Variants in TTC7B observed in about 807,000 individuals in gnomAD.
TTC7B encodes tetratricopeptide repeat protein 7B.
A neutral mutation model predicts 106.8 loss-of-function variants in TTC7B; 28 were observed. That is an observed-to-expected ratio of 0.26 (90% CI 0.19 to 0.36). The LOEUF is 0.36. TTC7B is among the 10% of genes least tolerant of loss of function. TTC7B has a pLI of 1.00. For synonymous variants in TTC7B, 405 were observed against 430.6 expected, an observed-to-expected ratio of 0.94 and a Z score of 0.74; for missense variants, 862 against 1,076.4, an observed-to-expected ratio of 0.80 and a Z score of 2.79.
rs879900959 is a variant in TTC7B, at chr14:90,606,859, C to T, written c.1966+3883G>A. Among the ~76,000 whole-genome samples, 10 of 152,142 alleles carry T rather than the reference C, an allele frequency of 6.6e-5. No homozygotes were observed. In the South Asian group the frequency reaches 8.3e-4, roughly 13 times the overall value. On this transcript the variant is annotated intron_variant, in intron 17 of 19. Coordinates refer to ENST00000328459, the MANE Select transcript of TTC7B (RefSeq NM_001010854.2). Reference sequence around the variant, plus strand: ...ATGGACAATTTCAGAGGTAGGAAACCGTATTCCAGTTAACCAACCACTTCC... The same window carrying T: ...ATGGACAATTTCAGAGGTAGGAAACTGTATTCCAGTTAACCAACCACTTCC...
intron 1 of TTC7B, among the ~76,000 whole-genome samples, chr14:90,786,949 T>C (rs977251319): frequency 6.6e-6 from 1 of 152,190 alleles, no homozygotes; most frequent in African/African-American, 2.4e-5. Context: ...TGGCTTATGA[T>C]GTGTTCATTA....
chr14:90,783,207 C>A (rs1807357505), intron 2 of TTC7B, among the ~76,000 whole-genome samples: 1 of 152,222 alleles, frequency 6.6e-6, no homozygotes. Context: ...AGCCAGATGT[C>A]CTGACTCCTA....
chr14:90,550,089 T>C (rs565989945), intron 19 of TTC7B, among the ~76,000 whole-genome samples: 1 of 152,308 alleles, frequency 6.6e-6, no homozygotes, highest in East Asian at 1.9e-4. Flanking sequence ...GGTTTTTCTT[T>C]TCTCTAGCAG....
intron 3 of TTC7B, among the ~76,000 whole-genome samples, chr14:90,769,158 A>G (rs1276694490): frequency 6.6e-6 from 1 of 152,232 alleles, no homozygotes; most frequent in African/African-American, 2.4e-5. Flanking sequence ...TGGTAACCAC[A>G]AAGAAAATAG....
intron 3 of TTC7B, among the ~76,000 whole-genome samples, chr14:90,770,525 G>A (rs541862608): frequency 4.6e-5 from 7 of 152,064 alleles, no homozygotes; most frequent in African/African-American, 9.6e-5. Flanking sequence ...GCGTGGTGGC[G>A]CATGCCTGTA....
At chr14:90,756,201 A>G (rs1240915022) in intron 3 of TTC7B, among the ~76,000 whole-genome samples, 1 of 152,150 alleles carries the variant, frequency 6.6e-6, no homozygotes, top group Non-Finnish European at 1.5e-5. Context: ...GCCAGTGAAC[A>G]GGAGTCCTGT....
At chr14:90,784,789 C>A (rs1891330922) in intron 2 of TTC7B, among the ~76,000 whole-genome samples, 1 of 152,124 alleles carries the variant, frequency 6.6e-6, no homozygotes, top group Non-Finnish European at 1.5e-5. Flanking sequence ...CAGCCACCCC[C>A]TAGGGGCCTG....
chr14:90,730,574 A>G (rs576441814), intron 4 of TTC7B, among the ~76,000 whole-genome samples: 84 of 152,300 alleles, frequency 5.5e-4, no homozygotes, highest in Non-Finnish European at 9.6e-4. Context: ...GTGATCCACC[A>G]ATGGCCGAGG....
At chr14:90,591,813 G>A (rs1349595529) in intron 18 of TTC7B, among the ~76,000 whole-genome samples, 2 of 152,210 alleles carry the variant, frequency 1.3e-5, no homozygotes, top group Non-Finnish European at 2.9e-5. Flanking sequence ...AGCCATCAGA[G>A]TTCTCAGCCA....
At chr14:90,674,230 T>C (rs1279060946) in intron 9 of TTC7B, among the ~76,000 whole-genome samples, 2 of 151,616 alleles carry the variant, frequency 1.3e-5, no homozygotes, top group African/African-American at 4.9e-5. Flanking sequence ...ACACCCAGAG[T>C]AGGATGTGGC....
At chr14:90,703,042 G>A (rs916508642) in intron 5 of TTC7B, among the ~76,000 whole-genome samples, 4 of 152,160 alleles carry the variant, frequency 2.6e-5, no homozygotes, top group Non-Finnish European at 4.4e-5. Flanking sequence ...AAAGCTTTAT[G>A]AGCCCATAAC....
intron 3 of TTC7B, among the ~76,000 whole-genome samples, chr14:90,777,336 C>T (rs544095984): frequency 6.6e-6 from 1 of 152,276 alleles, no homozygotes; most frequent in Admixed American, 6.5e-5. Flanking sequence ...GTGGCCACTG[C>T]TACGCTTCTG....
chr14:90,811,580 G>T (rs1203046739), intron 1 of TTC7B, among the ~76,000 whole-genome samples: 6 of 151,830 alleles, frequency 4.0e-5, no homozygotes, highest in Admixed American at 2.6e-4. Flanking sequence ...CACTGTGGAT[G>T]CCCGTGCTTA....
intron 18 of TTC7B, among the ~76,000 whole-genome samples, chr14:90,581,150 C>T (rs962386280): frequency 1.3e-5 from 2 of 152,160 alleles, no homozygotes; most frequent in Non-Finnish European, 1.5e-5. Context: ...CTAGAGATAA[C>T]GGGGCCCAGG....
intron 2 of TTC7B, among the ~76,000 whole-genome samples, chr14:90,781,172 T>C (rs1891208693): frequency 6.6e-6 from 1 of 152,188 alleles, no homozygotes; most frequent in Non-Finnish European, 1.5e-5. Context: ...AGACGAACCC[T>C]AAAAACATGA....
chr14:90,717,429 T>C (rs2139974312), intron 5 of TTC7B, among the ~76,000 whole-genome samples: 1 of 152,258 alleles, frequency 6.6e-6, no homozygotes, highest in Non-Finnish European at 1.5e-5. Flanking sequence ...TACAATCATA[T>C]TACAGATTTC....
intron 18 of TTC7B, among the ~76,000 whole-genome samples, chr14:90,588,407 C>T (rs1031259518): frequency 5.9e-5 from 9 of 152,290 alleles, no homozygotes; most frequent in South Asian, 2.1e-4. Context: ...AACCACCTAC[C>T]GCAAAGTCAT....
intron 15 of TTC7B, among the ~76,000 whole-genome samples, chr14:90,627,328 C>G (rs1595220919): frequency 6.6e-6 from 1 of 152,030 alleles, no homozygotes; most frequent in South Asian, 2.1e-4. Context: ...GAGAAGGGGT[C>G]GCAGCACACA....
At chr14:90,812,133 G>A (rs1294537093) in intron 1 of TTC7B, among the ~76,000 whole-genome samples, 4 of 152,178 alleles carry the variant, frequency 2.6e-5, no homozygotes, top group African/African-American at 4.8e-5. Context: ...CACGTGCCCT[G>A]AGAGTGGGCA....
Sources: gnomAD v4.1 joint callset for allele counts (sites outside exome capture counted in the v4.1 genomes callset) on GRCh38, gnomAD v4.1.1 for gene constraint, MANE v1.5 for transcripts, NCBI Gene and HGNC (gene_info 2026-07-23, HGNC 2026-07-21) for gene names.